TMC1: variants seen among roughly 807,000 people sequenced by gnomAD.
TMC1 encodes transmembrane channel-like protein 1.
Under a neutral mutation model 105.8 loss-of-function variants are expected in TMC1, and 84 were observed. The ratio of observed to expected loss-of-function variants is 0.79; its 90% confidence interval spans 0.67 to 0.95. TMC1 has a LOEUF of 0.95. TMC1 is among the 40% of genes least tolerant of loss of function. The pLI, the probability that TMC1 is intolerant of heterozygous loss-of-function variation, is 0.00. For synonymous variants in TMC1, 315 were observed against 311.5 expected (o/e 1.01, Z -0.12); for missense variants, 817 against 914.1 (o/e 0.89, Z 1.37).
Position 72,772,106 on chromosome 9 carries a change from A to G in TMC1, c.742-307A>G, listed in dbSNP as rs534300047. ...TTAAAATCGTAAATCTAATGATACC[A>G]CGAAATGTGTTTTGATGTTTAAATC... On this transcript the variant is annotated intron_variant, in intron 12 of 23. Transcript: ENST00000297784. Among the ~76,000 whole-genome samples, 6 of 152,294 alleles carry G rather than the reference A, an allele frequency of 3.9e-5. No homozygotes were observed. The South Asian group carries it at 1.2e-3, about 32-fold the overall frequency.
At chr9:72,648,732 A>G (rs1825755248) in intron 5 of TMC1, 68 bp downstream of exon 5, 2 of 1,440,408 alleles carry the variant, frequency 1.4e-6, no homozygotes, top group African/African-American at 2.8e-5. Flanking sequence ...GTATTTGAAA[A>G]CTTTGGAAAG....
chr9:72,788,146 G>A (rs575937307), intron 13 of TMC1, among the ~76,000 whole-genome samples, 193 bp from the exon 14 acceptor site: 1 of 152,286 alleles, frequency 6.6e-6, no homozygotes, highest in Admixed American at 6.5e-5. Context: ...GGCCTAGAAA[G>A]TGAATAATTT....
intron 11 of TMC1, 36 bp from the exon 12 acceptor site, chr9:72,754,750 C>G: frequency 6.6e-7 from 1 of 1,519,688 alleles, no homozygotes. Context: ...GACTTTGTTT[C>G]TAATTGTTCA....
chr9:72,755,672 T>C (rs1436239001), intron 12 of TMC1, among the ~76,000 whole-genome samples: 2 of 152,188 alleles, frequency 1.3e-5, no homozygotes, highest in Non-Finnish European at 2.9e-5. Context: ...TGGAAGCATA[T>C]GCGTGGGAAA....
intron 1 of TMC1, among the ~76,000 whole-genome samples, chr9:72,567,057 A>T (rs907706797): frequency 5.9e-5 from 9 of 152,252 alleles, no homozygotes; most frequent in Non-Finnish European, 8.8e-5. Flanking sequence ...TTTTCTGCTT[A>T]TGTCTCCTGC....
At chr9:72,794,940 T>A (rs913851888) in intron 17 of TMC1, among the ~76,000 whole-genome samples, 20 of 152,162 alleles carry the variant, frequency 1.3e-4, no homozygotes, top group Non-Finnish European at 2.6e-4. Context: ...AGCTAATAGG[T>A]CTCATAAGGC....
At chr9:72,831,165 G>C (rs182306249) in intron 23 of TMC1, among the ~76,000 whole-genome samples, 136 of 152,170 alleles carry the variant, frequency 8.9e-4, no homozygotes, top group African/African-American at 3.3e-3. Flanking sequence ...ATTTTTTAAA[G>C]TATTAGAGTA....
intron 8 of TMC1, among the ~76,000 whole-genome samples, chr9:72,701,626 T>C (rs1276288377): frequency 2.0e-5 from 3 of 152,210 alleles, no homozygotes; most frequent in Non-Finnish European, 4.4e-5. Context: ...TCTCTGATGA[T>C]GAAAACAAGA....
At chr9:72,583,066 CA>C (rs1316390351) in intron 2 of TMC1, among the ~76,000 whole-genome samples, 1 of 151,864 alleles carries the variant, frequency 6.6e-6, no homozygotes, top group African/African-American at 2.4e-5. Flanking sequence ...ACTAAAAATA[CA>C]AAAAAATTAG....
intron 2 of TMC1, among the ~76,000 whole-genome samples, chr9:72,604,745 G>C (rs1159622317): frequency 6.6e-6 from 1 of 152,150 alleles, no homozygotes; most frequent in Non-Finnish European, 1.5e-5. Context: ...AAGCATGTTG[G>C]TTTAATATTC....
chr9:72,590,234 T>G (rs1400978127), intron 2 of TMC1, among the ~76,000 whole-genome samples: 1 of 152,232 alleles, frequency 6.6e-6, no homozygotes, highest in Non-Finnish European at 1.5e-5. Context: ...GATCTCTGGC[T>G]TCTCCCACAC....
intron 2 of TMC1, among the ~76,000 whole-genome samples, chr9:72,594,488 A>G (rs1467401276): frequency 6.6e-6 from 1 of 152,204 alleles, no homozygotes; most frequent in African/African-American, 2.4e-5. Flanking sequence ...CAGGTAGAAG[A>G]GGGCAGATCA....
In TMC1 at chr9:72,791,956, A is replaced by C. The variant is rs928648519; in HGVS notation, c.1295A>C (p.Asp432Ala). ...TLFDLFAELE[D>A]YHPLIALKWL... ...TTTGACTTATTTGCTGAATTAGAAG[A>C]CTACCATCCTCTCATCGCTTTGAAA... The change falls in exon 16 of 24, where the codon GAC becomes GCC. Residue 432 changes from aspartate (D) to alanine (A), a missense_variant. Asp to Ala is a moderately radical substitution (Grantham distance 126). Coordinates refer to ENST00000297784, the MANE Select transcript of TMC1 (RefSeq NM_138691.3). 1.6e-5 allele frequency: 26 copies of C among 1,613,866 alleles called. No individual in the cohort carries two copies. The highest frequency in any genetic ancestry group is 2.1e-5 in the Non-Finnish European group (25 of 1,179,960).
intron 5 of TMC1, among the ~76,000 whole-genome samples, chr9:72,666,213 C>T (rs1347773292): frequency 6.7e-6 from 1 of 150,300 alleles, no homozygotes; most frequent in Admixed American, 6.6e-5. Context: ...GGCAGGTGTT[C>T]GAGACTAGCC....
chr9:72,789,981 C>A (rs889083001), intron 15 of TMC1, among the ~76,000 whole-genome samples: 1 of 152,066 alleles, frequency 6.6e-6, no homozygotes, highest in South Asian at 2.1e-4. Flanking sequence ...ACATTATGAC[C>A]GTAATTTGCC....
intron 3 of TMC1, among the ~76,000 whole-genome samples, chr9:72,626,192 A>C (rs2132131601): frequency 6.6e-6 from 1 of 152,324 alleles, no homozygotes; most frequent in Non-Finnish European, 1.5e-5. Flanking sequence ...AGAGACCCTG[A>C]GGGAGAACTG....
At chr9:72,658,045 CT>C (rs1319430072) in intron 5 of TMC1, among the ~76,000 whole-genome samples, 4 of 152,012 alleles carry the variant, frequency 2.6e-5, no homozygotes, top group African/African-American at 9.7e-5. Flanking sequence ...TTAAATTATC[CT>C]CATATCCTCT....
Position 72,772,433 on chromosome 9 carries a change from T to A in TMC1, c.762T>A (p.Val254=). The change falls in exon 13 of 24, where the codon GTT becomes GTA. Residue 254 remains valine, a synonymous_variant. Transcript: ENST00000297784. ...YDFNGLAQYS[V]LFYGYYDNKR... ...TTCAGGGTTTGGCACAATATTCCGT[T>A]CTCTTTTATGGCTATTATGACAATA... is the stretch of plus-strand genomic sequence containing the variant. 2 of 1,613,946 alleles carry A rather than the reference T, an allele frequency of 1.2e-6. No individual in the cohort carries two copies. The highest frequency in any genetic ancestry group is 1.7e-6 in the Non-Finnish European group (2 of 1,179,830).
chr9:72,748,642 T>G (rs1332553733), intron 10 of TMC1, among the ~76,000 whole-genome samples: 2 of 152,204 alleles, frequency 1.3e-5, no homozygotes, highest in Non-Finnish European at 2.9e-5. Context: ...TTCTTTTTAG[T>G]GAACATCAGT....
Sources: gnomAD v4.1 joint callset for allele counts (sites outside exome capture counted in the v4.1 genomes callset) on GRCh38, gnomAD v4.1.1 for gene constraint, MANE v1.5 for transcripts, NCBI Gene and HGNC (gene_info 2026-07-23, HGNC 2026-07-21) for gene names.